BTBD9: variants seen among roughly 807,000 people sequenced by gnomAD.
BTBD9 encodes BTB domain containing 9.
In BTBD9, 49 loss-of-function variants were observed where a neutral mutation model predicts 64.3. The ratio of observed to expected loss-of-function variants is 0.76; its 90% CI spans 0.61 to 0.97. The LOEUF is 0.97. BTBD9 is among the 50% of genes least tolerant of loss of function. The pLI, the probability that BTBD9 is intolerant of heterozygous loss-of-function variation, is 0.00. For synonymous variants in BTBD9, 260 were observed against 274.7 expected (o/e 0.95, Z 0.53); for missense variants, 598 against 762.1 (o/e 0.78, Z 2.53).
At chr6:38,547,621 G>C (rs1247516137) in intron 6 of BTBD9, among the ~76,000 whole-genome samples, 1 of 151,838 alleles carries the variant, frequency 6.6e-6, no homozygotes, top group Non-Finnish European at 1.5e-5. Flanking sequence ...CTCATCTCAG[G>C]GTCTCTGTAC....
chr6:38,478,545 T>A (rs991877692), intron 6 of BTBD9, among the ~76,000 whole-genome samples: 2 of 152,196 alleles, frequency 1.3e-5, no homozygotes, highest in African/African-American at 4.8e-5. Flanking sequence ...ATCATTGAAT[T>A]TGACTCCCTT....
At chr6:38,604,987 C>T (rs930930632) in intron 1 of BTBD9, among the ~76,000 whole-genome samples, 3 of 152,090 alleles carry the variant, frequency 2.0e-5, no homozygotes, top group Non-Finnish European at 4.4e-5. Flanking sequence ...TGCACACAAC[C>T]ATGCCTGGAT....
intron 7 of BTBD9, among the ~76,000 whole-genome samples, chr6:38,298,514 T>C (rs904818545): frequency 6.6e-6 from 1 of 152,148 alleles, no homozygotes; most frequent in African/African-American, 2.4e-5. Flanking sequence ...ACATCTCATG[T>C]CCTCTCTTTA....
intron 9 of BTBD9, among the ~76,000 whole-genome samples, chr6:38,209,512 C>T (rs1413375216): frequency 1.3e-5 from 2 of 152,294 alleles, no homozygotes; most frequent in Non-Finnish European, 2.9e-5. Flanking sequence ...ATAGCTGGAC[C>T]GGTGGGTCTT....
chr6:38,477,080 G>T (rs1770916113), intron 6 of BTBD9, among the ~76,000 whole-genome samples: 1 of 152,210 alleles, frequency 6.6e-6, no homozygotes, highest in African/African-American at 2.4e-5. Context: ...ACCAGGGGAT[G>T]CATCACAAAG....
At chr6:38,474,908 G>C (rs1770810820) in intron 6 of BTBD9, among the ~76,000 whole-genome samples, 1 of 152,000 alleles carries the variant, frequency 6.6e-6, no homozygotes, top group African/African-American at 2.4e-5. Context: ...ATCTCAATCA[G>C]ATAAATAAGC....
intron 6 of BTBD9, among the ~76,000 whole-genome samples, chr6:38,405,580 A>G (rs1562137983): frequency 1.3e-5 from 2 of 152,044 alleles, no homozygotes; most frequent in Non-Finnish European, 2.9e-5. Flanking sequence ...ACACATATTA[A>G]TCATTTTATT....
At chr6:38,299,898 T>C (rs1762319789) in intron 7 of BTBD9, among the ~76,000 whole-genome samples, 1 of 152,236 alleles carries the variant, frequency 6.6e-6, no homozygotes, top group African/African-American at 2.4e-5. Context: ...TTTGTTGCCA[T>C]TGCTTTTGGT....
chr6:38,179,631 C>CA, intron 10 of BTBD9: 1 of 456,792 alleles, frequency 2.2e-6, no homozygotes, highest in Non-Finnish European at 4.4e-6. Context: ...CACCTCTGTG[C>CA]AGGGGCCTGT....
At chr6:38,347,409 C>T (rs758048165) in intron 6 of BTBD9, among the ~76,000 whole-genome samples, 1 of 152,142 alleles carries the variant, frequency 6.6e-6, no homozygotes, top group African/African-American at 2.4e-5. Flanking sequence ...ATATCTCACA[C>T]CTTTTGATCA....
chr6:38,579,158 T>C (rs999401833), intron 5 of BTBD9, among the ~76,000 whole-genome samples: 1 of 152,176 alleles, frequency 6.6e-6, no homozygotes, highest in African/African-American at 2.4e-5. Flanking sequence ...CAGGAAAAGA[T>C]AACCTGGGGA....
chr6:38,291,609 G>T (rs1761956769), intron 7 of BTBD9, among the ~76,000 whole-genome samples: 1 of 152,138 alleles, frequency 6.6e-6, no homozygotes, highest in Non-Finnish European at 1.5e-5. Context: ...TGCCCATTCA[G>T]TATGATATTG....
At chr6:38,188,043 C>T (rs915004704) in intron 10 of BTBD9, among the ~76,000 whole-genome samples, 4 of 152,172 alleles carry the variant, frequency 2.6e-5, no homozygotes, top group South Asian at 2.1e-4. Context: ...AAGACCTGGC[C>T]GACTGGAGCA....
chr6:38,611,663 T>C (rs530181636), intron 1 of BTBD9, among the ~76,000 whole-genome samples: 1 of 152,290 alleles, frequency 6.6e-6, no homozygotes, highest in East Asian at 1.9e-4. Flanking sequence ...AACACAAATG[T>C]GAGACTCCAT....
chr6:38,268,483 C>T (rs926418336), intron 8 of BTBD9, among the ~76,000 whole-genome samples: 7 of 152,222 alleles, frequency 4.6e-5, no homozygotes, highest in Non-Finnish European at 8.8e-5. Context: ...GAAGGCTCAA[C>T]TCTGAATATT....
At position 38,355,555 on chromosome 6, in the gene BTBD9, GA is replaced by G. The variant is rs111830134; in HGVS notation, c.1155-10463del. Among the ~76,000 whole-genome samples the G allele has an allele frequency of 2.6e-5, 4 of 152,006 alleles. No homozygotes were observed. The South Asian group carries it at 8.3e-4, about 31-fold the overall frequency. On this transcript the variant is annotated intron_variant, in intron 6 of 10. Coordinates refer to ENST00000481247, the MANE Select transcript of BTBD9 (RefSeq NM_001099272.2). ...CACTTGTTTCAGAAATTCAGAAAAA[GA>G]AAAACTTAACGAGTGGAATGAACAG...
chr6:38,239,832 G>C (rs956040059), intron 9 of BTBD9, among the ~76,000 whole-genome samples: 1 of 152,066 alleles, frequency 6.6e-6, no homozygotes, highest in Admixed American at 6.5e-5. Context: ...TGTTTTCAAG[G>C]GTCAGTGGAA....
At chr6:38,185,570 C>G (rs1761780765) in intron 10 of BTBD9, among the ~76,000 whole-genome samples, 1 of 152,096 alleles carries the variant, frequency 6.6e-6, no homozygotes, top group South Asian at 2.1e-4. Flanking sequence ...GTTAACGTCT[C>G]TCAGCCTCGG....
intron 6 of BTBD9, among the ~76,000 whole-genome samples, chr6:38,501,983 A>G (rs1772222537): frequency 6.6e-6 from 1 of 152,214 alleles, no homozygotes; most frequent in Non-Finnish European, 1.5e-5. Flanking sequence ...TTTTTAAGAG[A>G]ATAAAGGGCT....
Sources: allele counts gnomAD v4.1 joint callset (sites outside exome capture counted in the v4.1 genomes callset), GRCh38; gene constraint gnomAD v4.1.1; transcripts MANE v1.5; gene names NCBI Gene and HGNC (gene_info 2026-07-23, HGNC 2026-07-21).